The following KLHL32 variants were observed in gnomAD, a reference collection of about 807,000 sequenced individuals.
KLHL32 encodes kelch like family member 32, also known as kelch-like protein 32.
In KLHL32, 35 loss-of-function variants were observed where a neutral mutation model predicts 64.8. The ratio of observed to expected loss-of-function variants is 0.54; its 90% CI spans 0.41 to 0.72. KLHL32 has a LOEUF of 0.72. Among genes scored for constraint, KLHL32 ranks in the 30% least tolerant of loss-of-function variants. The pLI, the probability that KLHL32 is intolerant of heterozygous loss-of-function variation, is 0.00. For missense variants in KLHL32, 589 were observed against 768.5 expected (o/e 0.77, Z 2.76); for synonymous variants, 259 against 281.0 (o/e 0.92, Z 0.78).
intron 4 of KLHL32, among the ~76,000 whole-genome samples, chr6:97,056,403 C>T (rs189210324): frequency 6.6e-6 from 1 of 152,144 alleles, no homozygotes; most frequent in Non-Finnish European, 1.5e-5. Context: ...CCAGGCCCGG[C>T]CCACCAGCCT....
intron 3 of KLHL32, among the ~76,000 whole-genome samples, chr6:96,978,578 T>G (rs1479924855): frequency 1.3e-5 from 2 of 152,254 alleles, no homozygotes; most frequent in Non-Finnish European, 2.9e-5. Flanking sequence ...ATGTCTTTGC[T>G]ATTGTGAATA....
intron 4 of KLHL32, among the ~76,000 whole-genome samples, chr6:97,048,718 A>G (rs1312050692): frequency 1.3e-5 from 2 of 152,244 alleles, no homozygotes; most frequent in African/African-American, 4.8e-5. Flanking sequence ...CAGGCCAGGC[A>G]GCAGAGTGAC....
At chr6:97,126,643 A>G (rs922045042) in intron 7 of KLHL32, among the ~76,000 whole-genome samples, 1 of 152,156 alleles carries the variant, frequency 6.6e-6, no homozygotes, top group African/African-American at 2.4e-5. Context: ...CATGTGACTT[A>G]TTGAATCCTT....
At position 97,128,752 on chromosome 6, in the gene KLHL32, G is replaced by T. The variant is rs115682877; in HGVS notation, c.1413+1290G>T. Among the ~76,000 whole-genome samples the T allele has an allele frequency of 3.9e-3, 592 of 152,330 alleles. 2 individuals carry two copies. Among genetic ancestry groups the T allele is most frequent in the African/African-American group, 0.013 (561 of 41,576 alleles). ...AGCTTATTAGGAATGACCCCACCAG[G>T]CCTCTCTGTTTCTTTGCCTTTGCAG... On this transcript the variant is annotated intron_variant, in intron 8 of 10. Transcript: ENST00000369261.
In KLHL32 at chr6:97,085,275, T is replaced by C. The variant is rs1412024106; in HGVS notation, c.561T>C (p.Tyr187=). Residue 187 remains tyrosine (Y), a synonymous_variant, in exon 6 of 11, where the codon TAT becomes TAC. Coordinates refer to ENST00000369261, the MANE Select transcript of KLHL32 (RefSeq NM_052904.4). ...SRPEEVLTLP[Y]CLLQEVLKSD... is the part of the protein sequence containing the mutation. ...CAGAAGAAGTTCTAACGCTTCCCTA[T>C]TGCCTGCTTCAGGAGGTGCTGAAGA... is the stretch of plus-strand genomic sequence containing the variant. 1 of 1,613,544 alleles carries C rather than the reference T, an allele frequency of 6.2e-7. No homozygotes were observed. The highest frequency in any genetic ancestry group is 2.2e-5 in the East Asian group (1 of 44,900).
chr6:96,903,471 C>A, the KLHL32 span, among the ~76,000 whole-genome samples: 1 of 152,184 alleles, frequency 6.6e-6, no homozygotes, highest in Non-Finnish European at 1.5e-5. Flanking sequence ...GTGAGGGATT[C>A]TCCTGTTGGC....
chr6:97,084,136 T>C (rs1263275426), intron 5 of KLHL32, among the ~76,000 whole-genome samples: 1 of 152,242 alleles, frequency 6.6e-6, no homozygotes, highest in Non-Finnish European at 1.5e-5. Flanking sequence ...TGAAAATTAC[T>C]TGGATTTATA....
intron 3 of KLHL32, among the ~76,000 whole-genome samples, chr6:97,038,061 A>G (rs2128124003): frequency 6.6e-6 from 1 of 152,342 alleles, no homozygotes; most frequent in South Asian, 2.1e-4. Flanking sequence ...CCCAACTATG[A>G]AATAACTAGA....
chr6:96,906,032 C>T, the KLHL32 span, among the ~76,000 whole-genome samples: 3 of 152,140 alleles, frequency 2.0e-5, no homozygotes, highest in Admixed American at 6.5e-5. Flanking sequence ...CTTTTGTTAG[C>T]TTCTGTCTCC....
intron 6 of KLHL32, among the ~76,000 whole-genome samples, chr6:97,086,523 T>A (rs948195678): frequency 6.6e-6 from 1 of 152,176 alleles, no homozygotes; most frequent in African/African-American, 2.4e-5. Flanking sequence ...ATGTACCAGA[T>A]GAACAAAATG....
chr6:97,134,859 TA>T (rs1799822450), intron 10 of KLHL32, among the ~76,000 whole-genome samples: 2 of 152,062 alleles, frequency 1.3e-5, no homozygotes, highest in African/African-American at 4.8e-5. Context: ...GAAACTTAAA[TA>T]AAAAAAACTT....
chr6:96,962,982 A>G (rs1463226711), intron 1 of KLHL32, among the ~76,000 whole-genome samples: 1 of 152,204 alleles, frequency 6.6e-6, no homozygotes, highest in Non-Finnish European at 1.5e-5. Flanking sequence ...AGAAGTTACT[A>G]CAGTAGCTGA....
chr6:96,905,130 T>C, the KLHL32 span, among the ~76,000 whole-genome samples: 1 of 152,204 alleles, frequency 6.6e-6, no homozygotes, highest in African/African-American at 2.4e-5. Context: ...ATACAACAGT[T>C]GTCCATCTTG....
At chr6:97,090,159 A>G (rs937082162) in intron 6 of KLHL32, among the ~76,000 whole-genome samples, 8 of 152,204 alleles carry the variant, frequency 5.3e-5, no homozygotes, top group African/African-American at 1.7e-4. Flanking sequence ...AATAATAAAT[A>G]AAAACAACAA....
At chr6:97,126,884 A>G (rs1798931575) in intron 7 of KLHL32, among the ~76,000 whole-genome samples, 1 of 152,250 alleles carries the variant, frequency 6.6e-6, no homozygotes, top group African/African-American at 2.4e-5. Flanking sequence ...ATCATTGCAT[A>G]TGTGGCTTGC....
At chr6:96,929,200 G>A (rs993614693) in intron 1 of KLHL32, among the ~76,000 whole-genome samples, 1 of 152,118 alleles carries the variant, frequency 6.6e-6, no homozygotes, top group Non-Finnish European at 1.5e-5. Flanking sequence ...CTAGCACTGG[G>A]GATATTTGTC....
chr6:96,993,707 T>C (rs752971275), intron 3 of KLHL32, among the ~76,000 whole-genome samples: 24 of 152,194 alleles, frequency 1.6e-4, no homozygotes, highest in Non-Finnish European at 2.6e-4. Flanking sequence ...TAGATGCTGG[T>C]AGAAGACATA....
At chr6:97,084,401 T>C (rs1478154223) in intron 5 of KLHL32, among the ~76,000 whole-genome samples, 2 of 152,156 alleles carry the variant, frequency 1.3e-5, no homozygotes, top group East Asian at 3.9e-4. Context: ...GCTATGAGCT[T>C]GAGACTGCAG....
chr6:97,113,140 G>A (rs1344900882), intron 6 of KLHL32, among the ~76,000 whole-genome samples: 1 of 152,014 alleles, frequency 6.6e-6, no homozygotes, highest in Non-Finnish European at 1.5e-5. Context: ...TGTCTTCAAG[G>A]TAAAAGTTAA....
Sources: gnomAD v4.1 joint callset for allele counts (sites outside exome capture counted in the v4.1 genomes callset) on GRCh38, gnomAD v4.1.1 for gene constraint, MANE v1.5 for transcripts, NCBI Gene and HGNC (gene_info 2026-07-23, HGNC 2026-07-21) for gene names.